Variants in GRIK3 observed in about 807,000 individuals in gnomAD.
GRIK3 encodes glutamate ionotropic receptor kainate type subunit 3.
GRIK3 carries 29 observed loss-of-function variants against 102.5 expected under a neutral mutation model. The ratio of observed to expected loss-of-function variants is 0.28; its 90% CI spans 0.21 to 0.39. The LOEUF (loss-of-function observed/expected upper bound fraction) is 0.39. GRIK3 is among the 10% of genes least tolerant of loss of function. The pLI is 1.00. For missense variants in GRIK3, 908 were observed against 1,252.4 expected (o/e 0.73, Z 4.15); for synonymous variants, 511 against 504.9 (o/e 1.01, Z -0.16).
At chr1:36,969,053 C>T (rs1441868589) in intron 1 of GRIK3, among the ~76,000 whole-genome samples, 2 of 152,228 alleles carry the variant, frequency 1.3e-5, no homozygotes, top group Non-Finnish European at 2.9e-5. Context: ...GCCACCCTCT[C>T]TTCCCCCAAA....
intron 1 of GRIK3, among the ~76,000 whole-genome samples, chr1:36,931,418 CT>C (rs1641586796): frequency 6.6e-6 from 1 of 152,224 alleles, no homozygotes; most frequent in Admixed American, 6.5e-5. Context: ...TTTCATCACT[CT>C]GTTATTTATT....
intron 1 of GRIK3, among the ~76,000 whole-genome samples, chr1:37,013,631 C>G (rs1023650246): frequency 6.6e-6 from 1 of 152,216 alleles, no homozygotes; most frequent in African/African-American, 2.4e-5. Context: ...GCTTCTTAGC[C>G]GTGCAATGCT....
intron 1 of GRIK3, among the ~76,000 whole-genome samples, chr1:36,956,281 C>G (rs1375338371): frequency 6.6e-6 from 1 of 152,230 alleles, no homozygotes; most frequent in Non-Finnish European, 1.5e-5. Flanking sequence ...GGGGTGGCCA[C>G]CTTGGCTGGG....
chr1:36,891,054 A>C lies in GRIK3; in HGVS notation c.158T>G (p.Met53Arg). 6.2e-7 allele frequency: 1 copy of C among 1,613,958 alleles called. No homozygotes were observed. Among genetic ancestry groups the C allele is most frequent in the Non-Finnish European group, 8.5e-7 (1 of 1,179,884 alleles). ...EYADGPNAQV[M>R]NAEEHAFRFS... ...TCGAAAGGCATGCTCCTCGGCATTC[A>C]TGACCTGGGCGTTGGGGCCGTCCGC... The change falls in exon 2 of 16, where the codon ATG becomes AGG. Residue 53 changes from methionine to arginine, a missense_variant. Met to Arg is a moderately conservative substitution (Grantham distance 91). Coordinates refer to ENST00000373091, the MANE Select transcript of GRIK3 (RefSeq NM_000831.4).
intron 1 of GRIK3, among the ~76,000 whole-genome samples, chr1:36,996,494 C>T (rs543898397): frequency 5.1e-4 from 78 of 152,290 alleles, no homozygotes; most frequent in African/African-American, 1.6e-3. Flanking sequence ...AGCCAAGACA[C>T]GCGGGGCAGC....
intron 10 of GRIK3, among the ~76,000 whole-genome samples, 159 bp downstream of exon 10, chr1:36,841,577 C>T (rs1640449877): frequency 1.3e-5 from 2 of 152,182 alleles, no homozygotes; most frequent in Admixed American, 1.3e-4. Context: ...GCACTTCCTT[C>T]AGCTGAGGCC....
chr1:36,891,179 G>A (rs1641111094), intron 1 of GRIK3, 83 bp from the exon 2 acceptor site: 4 of 1,049,556 alleles, frequency 3.8e-6, no homozygotes, highest in Non-Finnish European at 5.7e-6. Flanking sequence ...AGATTTTATA[G>A]ACAAGTTGCC....
In GRIK3 at chr1:36,872,838, C is replaced by T. The variant is rs891216182; in HGVS notation, c.551-469G>A. On this transcript the variant is annotated intron_variant, in intron 3 of 15. Transcript: ENST00000373091. The surrounding 1 kb of genome is among the most constrained non-coding windows in gnomAD (Gnocchi z 5.9). ...ATTGTGAGACATGGGACATGATTTC[C>T]CTCAACATCTCCAGCGAGCTGCTTC... Among the ~76,000 whole-genome samples the T allele has an allele frequency of 3.3e-5, 5 of 152,192 alleles. No homozygotes were observed. Among genetic ancestry groups the T allele is most frequent in the Non-Finnish European group, 5.9e-5 (4 of 68,038 alleles).
chr1:36,843,470 G>T (rs1640485229), intron 9 of GRIK3, among the ~76,000 whole-genome samples: 1 of 152,212 alleles, frequency 6.6e-6, no homozygotes, highest in Non-Finnish European at 1.5e-5. Context: ...CTCAGAGAAG[G>T]TCAGTAAGTT....
intron 1 of GRIK3, among the ~76,000 whole-genome samples, chr1:37,002,556 CTG>C (rs1468160734): frequency 2.6e-5 from 4 of 152,222 alleles, no homozygotes; most frequent in African/African-American, 9.6e-5. Context: ...ACTCCCTAAA[CTG>C]TGTTTCATCA....
At chr1:37,014,967 C>G (rs919211552) in intron 1 of GRIK3, among the ~76,000 whole-genome samples, 14 of 151,260 alleles carry the variant, frequency 9.3e-5, no homozygotes, top group Middle Eastern at 3.2e-3. Flanking sequence ...CTCTCTGTAT[C>G]TCTGTCTCAA....
At chr1:36,931,413 T>G (rs1421981062) in intron 1 of GRIK3, among the ~76,000 whole-genome samples, 1 of 152,232 alleles carries the variant, frequency 6.6e-6, no homozygotes, top group Non-Finnish European at 1.5e-5. Flanking sequence ...TGAGGTTTCA[T>G]CACTCTGTTA....
intron 10 of GRIK3, among the ~76,000 whole-genome samples, chr1:36,834,218 T>C (rs1445325171): frequency 2.0e-5 from 3 of 152,186 alleles, no homozygotes; most frequent in Non-Finnish European, 4.4e-5. Flanking sequence ...ACTTGATAGA[T>C]TTATTGCAGA....
intron 11 of GRIK3, among the ~76,000 whole-genome samples, chr1:36,822,647 C>T (rs1642708412): frequency 6.6e-6 from 1 of 152,136 alleles, no homozygotes; most frequent in Non-Finnish European, 1.5e-5. Context: ...ACACTCCATC[C>T]CCAGCTGGAG....
At chr1:36,938,684 C>G (rs1641686741) in intron 1 of GRIK3, among the ~76,000 whole-genome samples, 1 of 152,122 alleles carries the variant, frequency 6.6e-6, no homozygotes, top group South Asian at 2.1e-4. Flanking sequence ...GACAGTGACT[C>G]TCATCCTCCC....
chr1:37,002,602 T>C (rs948448829), intron 1 of GRIK3, among the ~76,000 whole-genome samples: 1 of 152,112 alleles, frequency 6.6e-6, no homozygotes, highest in Non-Finnish European at 1.5e-5. Context: ...AAACAGACAG[T>C]ACCAGACATG....
At chr1:37,026,250 C>T (rs1011588839) in intron 1 of GRIK3, among the ~76,000 whole-genome samples, 1 of 152,188 alleles carries the variant, frequency 6.6e-6, no homozygotes, top group Non-Finnish European at 1.5e-5. Flanking sequence ...ATGGGCCAGG[C>T]GGTGTCTGGG....
At chr1:36,817,560 G>A (rs1043739875) in intron 12 of GRIK3, among the ~76,000 whole-genome samples, 2 of 152,190 alleles carry the variant, frequency 1.3e-5, no homozygotes, top group Non-Finnish European at 2.9e-5. Flanking sequence ...TGATTCTGAC[G>A]CAGGCTAAAA....
At chr1:36,897,897 T>C (rs1641191033) in intron 1 of GRIK3, among the ~76,000 whole-genome samples, 1 of 152,168 alleles carries the variant, frequency 6.6e-6, no homozygotes, top group African/African-American at 2.4e-5. Flanking sequence ...AACCTACATG[T>C]CCATCAACAG....
Sources: allele counts gnomAD v4.1 joint callset (sites outside exome capture counted in the v4.1 genomes callset), GRCh38; gene constraint gnomAD v4.1.1; non-coding constraint Gnocchi (gnomAD v3.1); transcripts MANE v1.5; gene names NCBI Gene and HGNC (gene_info 2026-07-23, HGNC 2026-07-21).